Variants in FOXP1 observed in about 807,000 individuals in gnomAD.
The protein encoded by FOXP1 is forkhead box protein P1.
A neutral mutation model predicts 98.2 loss-of-function variants in FOXP1; 15 were observed. The ratio of observed to expected loss-of-function variants is 0.15; its 90% CI spans 0.10 to 0.24. The LOEUF (loss-of-function observed/expected upper bound fraction) is 0.24, where lower values mean the gene tolerates loss of function less well. Ranked by LOEUF, FOXP1 falls within the 10% of genes least tolerant of loss-of-function variation. FOXP1 has a pLI of 1.00. For synonymous variants in FOXP1, 371 were observed against 314.5 expected, an observed-to-expected ratio of 1.18 and a Z score of -1.90; for missense variants, 633 against 848.5, an observed-to-expected ratio of 0.75 and a Z score of 3.15.
chr3:71,465,246 G>T (rs1250723753), intron 3 of FOXP1, among the ~76,000 whole-genome samples: 1 of 150,848 alleles, frequency 6.6e-6, no homozygotes, highest in Admixed American at 6.6e-5. Context: ...GGCAGAGATT[G>T]TGGTGAGCCG....
intron 2 of FOXP1, among the ~76,000 whole-genome samples, chr3:71,522,602 A>G (rs1275059459): frequency 6.6e-6 from 1 of 152,230 alleles, no homozygotes; most frequent in Non-Finnish European, 1.5e-5. Context: ...AAATTCATAT[A>G]AAGTGATTCA....
intron 14 of FOXP1, among the ~76,000 whole-genome samples, chr3:70,978,430 GGTGACACCAGTT>G (rs2038065282): frequency 6.6e-6 from 1 of 152,128 alleles, no homozygotes; most frequent in Non-Finnish European, 1.5e-5. Context: ...GAGTATTTTA[GGTGACACCAGTT>G]GGGATACGCT....
intron 6 of FOXP1, among the ~76,000 whole-genome samples, chr3:71,167,331 G>A (rs1224705857): frequency 6.6e-6 from 1 of 152,082 alleles, no homozygotes. Flanking sequence ...CAACCATTGC[G>A]TTTCCCCATC....
chr3:70,959,960 G>C (rs1216931338), intron 20 of FOXP1, among the ~76,000 whole-genome samples: 1 of 152,168 alleles, frequency 6.6e-6, no homozygotes, highest in Non-Finnish European at 1.5e-5. Context: ...ATAATTACAC[G>C]AAATAAGAAT....
chr3:71,200,083 C>CAAAAAA (rs61281811), intron 5 of FOXP1, among the ~76,000 whole-genome samples: 7,204 of 75,962 alleles, frequency 0.095, 613 homozygotes, highest in Middle Eastern at 0.19. Flanking sequence ...CTCCATCTCA[C>CAAAAAA]AAAAAAAAAA....
intron 5 of FOXP1, among the ~76,000 whole-genome samples, chr3:71,210,446 A>G (rs2064366465): frequency 6.6e-6 from 1 of 152,212 alleles, no homozygotes; most frequent in Non-Finnish European, 1.5e-5. Context: ...CTGAGCATTC[A>G]GTGCCCTGGT....
At chr3:71,117,796 ATT>A (rs2107792796) in intron 6 of FOXP1, among the ~76,000 whole-genome samples, 1 of 152,234 alleles carries the variant, frequency 6.6e-6, no homozygotes, top group South Asian at 2.1e-4. Context: ...AGATGTGACA[ATT>A]GCCTGGCACT....
At chr3:71,383,213 C>T (rs1168519743) in intron 3 of FOXP1, among the ~76,000 whole-genome samples, 1 of 152,206 alleles carries the variant, frequency 6.6e-6, no homozygotes, top group Non-Finnish European at 1.5e-5. Context: ...ATGCTTTCCG[C>T]TAGCTCTGCA....
intron 3 of FOXP1, among the ~76,000 whole-genome samples, chr3:71,364,917 G>C (rs1020436889): frequency 8.5e-5 from 13 of 152,256 alleles, no homozygotes; most frequent in African/African-American, 3.1e-4. Context: ...CTATCTTTTA[G>C]TCATATTTTA....
At chr3:71,345,369 C>G (rs1176096861) in intron 4 of FOXP1, among the ~76,000 whole-genome samples, 1 of 150,158 alleles carries the variant, frequency 6.7e-6, no homozygotes, top group African/African-American at 2.5e-5. Flanking sequence ...GCCTCAGTGA[C>G]AGAGAGAGAA....
chr3:71,548,720 C>T (rs2045554212), intron 2 of FOXP1, among the ~76,000 whole-genome samples: 1 of 151,990 alleles, frequency 6.6e-6, no homozygotes, highest in Admixed American at 6.6e-5. Flanking sequence ...TTATTTATTC[C>T]TTCCTCTCTA....
intron 3 of FOXP1, among the ~76,000 whole-genome samples, chr3:71,471,105 C>T (rs2089298661): frequency 6.6e-6 from 1 of 152,154 alleles, no homozygotes; most frequent in African/African-American, 2.4e-5. Flanking sequence ...TTGGACAAAA[C>T]ATTGATTCAA....
intron 3 of FOXP1, among the ~76,000 whole-genome samples, chr3:71,449,059 G>A (rs2108492044): frequency 6.6e-6 from 1 of 152,080 alleles, no homozygotes; most frequent in Non-Finnish European, 1.5e-5. Flanking sequence ...GCCAATTCGG[G>A]GAAACTACAT....
At chr3:71,516,433 TAA>T (rs1172555579) in intron 2 of FOXP1, among the ~76,000 whole-genome samples, 2 of 152,336 alleles carry the variant, frequency 1.3e-5, no homozygotes, top group East Asian at 3.9e-4. Context: ...CTATCTGTGT[TAA>T]GTTTGCAATT....
chr3:71,189,489 T>C (rs2062839926), intron 6 of FOXP1, among the ~76,000 whole-genome samples: 1 of 152,240 alleles, frequency 6.6e-6, no homozygotes, highest in Non-Finnish European at 1.5e-5. Context: ...TAGAAGTCTT[T>C]TTAAAAAATG....
At chr3:71,115,464 G>A (rs2058302639) in intron 6 of FOXP1, among the ~76,000 whole-genome samples, 1 of 151,772 alleles carries the variant, frequency 6.6e-6, no homozygotes, top group East Asian at 1.9e-4. Flanking sequence ...AGCCTCCTGA[G>A]TAGCTGGGAC....
chr3:71,333,024 T>G (rs2076437912), intron 4 of FOXP1: 1 of 152,242 alleles, frequency 6.6e-6, no homozygotes, highest in South Asian at 2.1e-4. Flanking sequence ...GGGCCCGTAT[T>G]AAGAAAAGTC....
chr3:71,177,840 C>CTT (rs397704711), intron 6 of FOXP1, among the ~76,000 whole-genome samples: 2,658 of 114,922 alleles, frequency 0.023, 206 homozygotes, highest in African/African-American at 0.086. Context: ...TTCTTTCTTT[C>CTT]TTTTTTTTTT....
At chr3:71,089,582 G>A (rs1011881186) in intron 7 of FOXP1, among the ~76,000 whole-genome samples, 1 of 152,148 alleles carries the variant, frequency 6.6e-6, no homozygotes, top group Non-Finnish European at 1.5e-5. Context: ...ATGTCATCTG[G>A]CTTGCACACA....
Sources: gnomAD v4.1 joint callset for allele counts (sites outside exome capture counted in the v4.1 genomes callset) on GRCh38, gnomAD v4.1.1 for gene constraint, MANE v1.5 for transcripts, NCBI Gene and HGNC (gene_info 2026-07-23, HGNC 2026-07-21) for gene names.